The following NLGN1 variants were observed in gnomAD, a reference collection of about 807,000 sequenced individuals.
NLGN1 encodes the protein neuroligin-1.
A neutral mutation model predicts 65.5 loss-of-function variants in NLGN1; 12 were observed. That is an observed-to-expected ratio of 0.18 (90% CI 0.12 to 0.30). The LOEUF (loss-of-function observed/expected upper bound fraction) is 0.30. Ranked by LOEUF, NLGN1 falls within the 10% of genes least tolerant of loss-of-function variation. NLGN1 has a pLI of 1.00. For missense variants in NLGN1, 750 were observed against 1,007.1 expected, an observed-to-expected ratio of 0.74 and a Z score of 3.46; for synonymous variants, 350 against 359.5, an observed-to-expected ratio of 0.97 and a Z score of 0.30.
rs61122760 is a variant in NLGN1, at chr3:174,129,354, A to AACACACACAC, written c.647-145924_647-145915dup. Among the ~76,000 whole-genome samples the AACACACACAC allele has an allele frequency of 8.9e-3, 1,040 of 116,826 alleles. 15 individuals are homozygous for AACACACACAC. Among genetic ancestry groups the AACACACACAC allele is most frequent in the Non-Finnish European group, 0.013 (739 of 57,220 alleles). The allele number at this position is 116,826 out of a possible 152,430, so 76.6% of individuals were successfully genotyped here. ...CTATCTCCCCCCACCCCCGGTTTAC[A>AACACACACAC]ACACACACACACACACACACACACA... On this transcript the variant is annotated intron_variant, in intron 4 of 6. Coordinates refer to ENST00000457714, the Ensembl canonical transcript of NLGN1.
intron 3 of NLGN1, among the ~76,000 whole-genome samples, chr3:173,711,290 T>C (rs569047659): frequency 6.6e-6 from 1 of 152,322 alleles, no homozygotes; most frequent in African/African-American, 2.4e-5. Context: ...GTGGGCTTGG[T>C]AATTTGTTTC....
intron 4 of NLGN1, among the ~76,000 whole-genome samples, chr3:174,096,260 A>G (rs561619644): frequency 1.5e-3 from 229 of 150,432 alleles, no homozygotes; most frequent in African/African-American, 5.3e-3. Flanking sequence ...TATATGTAAT[A>G]TATAAACGTA....
chr3:173,492,332 A>G (rs914099781), intron 2 of NLGN1, among the ~76,000 whole-genome samples: 1 of 151,832 alleles, frequency 6.6e-6, no homozygotes, highest in Admixed American at 6.6e-5. Context: ...AGAATCATTT[A>G]ATGAGCCTAA....
At chr3:173,707,791 G>A (rs1300477955) in intron 3 of NLGN1, among the ~76,000 whole-genome samples, 1 of 152,118 alleles carries the variant, frequency 6.6e-6, no homozygotes, top group Non-Finnish European at 1.5e-5. Context: ...AAAAATTATA[G>A]CTTGCCTGCT....
intron 1 of NLGN1, among the ~76,000 whole-genome samples, chr3:173,413,797 A>G (rs1713100234): frequency 6.6e-6 from 1 of 152,098 alleles, no homozygotes; most frequent in Non-Finnish European, 1.5e-5. Flanking sequence ...GAAGCCCTGG[A>G]GCTAAACATA....
chr3:173,424,147 C>T (rs1007505231), intron 1 of NLGN1, among the ~76,000 whole-genome samples: 1 of 152,186 alleles, frequency 6.6e-6, no homozygotes, highest in Non-Finnish European at 1.5e-5. Flanking sequence ...ACAGCTGGAG[C>T]TGGAGCAGCT....
At chr3:173,442,699 T>G (rs1719427814) in intron 2 of NLGN1, among the ~76,000 whole-genome samples, 1 of 152,192 alleles carries the variant, frequency 6.6e-6, no homozygotes, top group African/African-American at 2.4e-5. Context: ...GTTATTTGAT[T>G]AATTCTATTA....
At chr3:173,693,924 T>A (rs1041402662) in intron 3 of NLGN1, among the ~76,000 whole-genome samples, 2 of 152,108 alleles carry the variant, frequency 1.3e-5, no homozygotes, top group Non-Finnish European at 2.9e-5. Context: ...TAATTCATGC[T>A]ACAAATTAAA....
intron 4 of NLGN1, among the ~76,000 whole-genome samples, chr3:174,088,531 C>T (rs1473428350): frequency 1.3e-5 from 2 of 151,804 alleles, no homozygotes; most frequent in Admixed American, 1.3e-4. Context: ...CTGAGGCAGG[C>T]GGATCACGAG....
chr3:173,589,347 A>G (rs959953038), intron 2 of NLGN1, among the ~76,000 whole-genome samples: 1 of 152,192 alleles, frequency 6.6e-6, no homozygotes, highest in Non-Finnish European at 1.5e-5. Flanking sequence ...GCCTACAATT[A>G]GAGCTACCTG....
At chr3:174,103,195 G>T (rs758848725) in intron 4 of NLGN1, among the ~76,000 whole-genome samples, 3 of 152,076 alleles carry the variant, frequency 2.0e-5, no homozygotes, top group African/African-American at 7.2e-5. Flanking sequence ...TAGAAGTTCC[G>T]TGTGTCACAT....
At chr3:174,274,601 G>GAAAT (rs1344696912) in intron 4 of NLGN1, among the ~76,000 whole-genome samples, 3 of 151,682 alleles carry the variant, frequency 2.0e-5, no homozygotes, top group African/African-American at 4.8e-5. Context: ...GAGCATTCCA[G>GAAAT]AAATATATGT....
At chr3:174,157,209 G>T (rs928946848) in intron 4 of NLGN1, among the ~76,000 whole-genome samples, 2 of 151,508 alleles carry the variant, frequency 1.3e-5, no homozygotes, top group East Asian at 3.9e-4. Flanking sequence ...AAGATTTTTA[G>T]ATCATTTATA....
At chr3:173,942,787 T>C (rs1353821288) in intron 4 of NLGN1, among the ~76,000 whole-genome samples, 1 of 152,176 alleles carries the variant, frequency 6.6e-6, no homozygotes, top group Non-Finnish European at 1.5e-5. Flanking sequence ...ATAATATTCA[T>C]GACAACCAGG....
chr3:174,233,618 A>T (rs1399453291), intron 4 of NLGN1, among the ~76,000 whole-genome samples: 1 of 152,136 alleles, frequency 6.6e-6, no homozygotes, highest in Non-Finnish European at 1.5e-5. Context: ...ATATTCTTAC[A>T]CTAGGGACAG....
At chr3:173,447,224 C>G (rs1378477285) in intron 2 of NLGN1, among the ~76,000 whole-genome samples, 6 of 152,160 alleles carry the variant, frequency 3.9e-5, no homozygotes, top group Admixed American at 1.3e-4. Flanking sequence ...TTTAATGCAT[C>G]TTGAATTAAT....
In NLGN1 at chr3:173,574,363, C is replaced by T. The variant is rs910984291; in HGVS notation, c.-320-29916C>T. On this transcript the variant is annotated intron_variant, in intron 2 of 6. Transcript: ENST00000457714. Reference sequence around the variant, plus strand: ...GCAGGGAGTAACCCAAATATAAGATCTTGACTTCTGTCTTTCAATTGAGGA... The same window carrying T: ...GCAGGGAGTAACCCAAATATAAGATTTTGACTTCTGTCTTTCAATTGAGGA... 2.0e-5 allele frequency among the ~76,000 whole-genome samples: 3 copies of T among 151,730 alleles called. 1 individual carries two copies. Among genetic ancestry groups the T allele is most frequent in the South Asian group, 4.2e-4 (2 of 4,806 alleles).
intron 4 of NLGN1, among the ~76,000 whole-genome samples, chr3:174,231,227 T>C (rs1490331174): frequency 6.6e-6 from 1 of 152,068 alleles, no homozygotes; most frequent in Non-Finnish European, 1.5e-5. Context: ...AGAAGTTAAG[T>C]GAGTAATGAA....
chr3:173,774,858 G>C (rs926338986), intron 3 of NLGN1, among the ~76,000 whole-genome samples: 1 of 151,768 alleles, frequency 6.6e-6, no homozygotes, highest in African/African-American at 2.4e-5. Context: ...GATATGGCTT[G>C]TATTCTGTCA....
Sources: gnomAD v4.1 joint callset for allele counts (sites outside exome capture counted in the v4.1 genomes callset) on GRCh38, gnomAD v4.1.1 for gene constraint, MANE v1.5 for transcripts, NCBI Gene and HGNC (gene_info 2026-07-23, HGNC 2026-07-21) for gene names.